The following IQCM variants were observed in gnomAD, a reference collection of about 807,000 sequenced individuals.
IQCM encodes IQ motif containing M, also known as IQ domain-containing protein M.
A neutral mutation model predicts 57.6 loss-of-function variants in IQCM; 45 were observed. That is an observed-to-expected ratio of 0.78 (90% CI 0.62 to 1.00). The LOEUF (loss-of-function observed/expected upper bound fraction) is 1.00. Among genes scored for constraint, IQCM ranks in the 50% least tolerant of loss-of-function variants. The probability of loss-of-function intolerance (pLI) is 0.00; values close to 1 mark genes in which losing one functional copy is unlikely to be tolerated. For missense variants in IQCM, 468 were observed against 511.6 expected, an observed-to-expected ratio of 0.91 and a Z score of 0.82; for synonymous variants, 148 against 158.9, an observed-to-expected ratio of 0.93 and a Z score of 0.51.
chr4:149,696,144 A>T (rs1482524387), intron 5 of IQCM, among the ~76,000 whole-genome samples: 1 of 151,884 alleles, frequency 6.6e-6, no homozygotes, highest in Non-Finnish European at 1.5e-5. Flanking sequence ...TCGTCGCTAC[A>T]CTCCCAATCT....
At position 149,812,040 on chromosome 4, in the gene IQCM, C is replaced by T. The variant is rs149943756; in HGVS notation, c.-49+3271G>A. 1.7e-3 allele frequency among the ~76,000 whole-genome samples: 264 copies of T among 152,274 alleles called. 1 individual carries two copies. Among genetic ancestry groups the T allele is most frequent in the African/African-American group, 5.9e-3 (246 of 41,570 alleles). ...GGTGGCCACATACTCAGCCTCCATT[C>T]CTAACTAGGAGAATAAAGCATTGAC... is the stretch of plus-strand genomic sequence containing the variant. On this transcript the variant is annotated intron_variant, in intron 2 of 13. Transcript: ENST00000636793.
intron 9 of IQCM, among the ~76,000 whole-genome samples, chr4:149,581,267 A>ATATATATATACATACATATATACACATG (rs1561017380): frequency 3.3e-5 from 5 of 151,100 alleles, no homozygotes; most frequent in South Asian, 2.1e-4. Context: ...CAATTCATAT[A>ATATATATATACATACATATATACACATG]TATATATATA....
chr4:149,739,842 C>A (rs1465639791), intron 3 of IQCM, among the ~76,000 whole-genome samples: 1 of 151,922 alleles, frequency 6.6e-6, no homozygotes, highest in Non-Finnish European at 1.5e-5. Context: ...TAAAAAAAAA[C>A]CTCATTTTTC....
chr4:149,456,222 G>A (rs562475270), intron 12 of IQCM, among the ~76,000 whole-genome samples: 1 of 152,150 alleles, frequency 6.6e-6, no homozygotes, highest in East Asian at 1.9e-4. Context: ...TGATTTCATG[G>A]TAATAAACTT....
intron 12 of IQCM, among the ~76,000 whole-genome samples, chr4:149,535,240 TTAA>T (rs1230463932): frequency 1.3e-5 from 2 of 152,056 alleles, no homozygotes; most frequent in Non-Finnish European, 2.9e-5. Context: ...AAAAATATCC[TTAA>T]TACTATGTTT....
chr4:149,720,204 ATT>A (rs888172098), intron 5 of IQCM, among the ~76,000 whole-genome samples: 20 of 152,092 alleles, frequency 1.3e-4, no homozygotes, highest in Non-Finnish European at 2.2e-4. Flanking sequence ...CTATTCTAAG[ATT>A]TTTTTTATTC....
chr4:149,358,758 C>A (rs1217164994), intron 13 of IQCM, among the ~76,000 whole-genome samples: 2 of 129,772 alleles, frequency 1.5e-5, no homozygotes, highest in Admixed American at 1.5e-4. Flanking sequence ...AAATGCCAAG[C>A]CAGTTTTTTT....
rs1553975354 is a variant in IQCM at position 149,481,696 on chromosome 4, G to GTTTTGTTTTGTTTTTTTGTT, written c.1229-48140_1229-48139insAACAAAAAAACAAAACAAAA. On this transcript the variant is annotated intron_variant, in intron 12 of 13. Transcript: ENST00000636793. ...GAAGTCATGTAATGTGATTCTTCCA[G>GTTTTGTTTTGTTTTTTTGTT]TTTTGTTTTTTTTTTTTTTTTTTTT... 3.3e-4 allele frequency among the ~76,000 whole-genome samples: 11 copies of GTTTTGTTTTGTTTTTTTGTT among 33,610 alleles called. No individual in the cohort carries two copies. The East Asian group carries it at 3.6e-3, about 11-fold the overall frequency. 22.0% of individuals were successfully genotyped at this position (33,610 alleles called of 152,430 possible). A position where few individuals can be genotyped will look rare whatever the true frequency, so the allele number is the denominator to read the frequency against.
intron 13 of IQCM, among the ~76,000 whole-genome samples, chr4:149,374,920 C>A (rs1185377179): frequency 6.6e-6 from 1 of 151,788 alleles, no homozygotes; most frequent in South Asian, 2.1e-4. Context: ...CGTATAAAAA[C>A]TAGAGGACAA....
intron 9 of IQCM, among the ~76,000 whole-genome samples, chr4:149,586,298 G>A (rs189107677): frequency 6.6e-6 from 1 of 151,674 alleles, no homozygotes; most frequent in East Asian, 2.0e-4. Flanking sequence ...GTAGACACAG[G>A]TCATTCAGAT....
chr4:149,494,542 A>G (rs1742450225), intron 12 of IQCM, among the ~76,000 whole-genome samples: 1 of 152,158 alleles, frequency 6.6e-6, no homozygotes, highest in South Asian at 2.1e-4. Flanking sequence ...CAAGAACTCA[A>G]GGCACTTGGG....
In IQCM at chr4:149,587,850, T is replaced by G. The variant is rs1752779990; in HGVS notation, c.749+80A>C. 3 of 584,286 alleles carry G rather than the reference T, an allele frequency of 5.1e-6. No individual in the cohort carries two copies. In the African/African-American group the frequency reaches 5.8e-5, roughly 11 times the overall value. 36.2% of individuals were successfully genotyped at this position (584,286 alleles called of 1,614,324 possible). ...ACAACCTATACTTCCTTAAACCTAG[T>G]TATTAAAGTCAGCAATTACATTGAT... On this transcript the variant is annotated intron_variant, in intron 9 of 13. Coordinates refer to ENST00000636793, the MANE Select transcript of IQCM (RefSeq NM_001363507.2).
chr4:149,500,036 C>A (rs773628825), intron 12 of IQCM, among the ~76,000 whole-genome samples: 2 of 152,194 alleles, frequency 1.3e-5, no homozygotes, highest in Non-Finnish European at 2.9e-5. Context: ...AGCAGACCTT[C>A]CAGCTGTCTC....
At position 149,679,225 on chromosome 4, in the gene IQCM, T is replaced by C. The variant is rs185133724; in HGVS notation, c.565+2893A>G. Among the ~76,000 whole-genome samples, 555 of 151,750 alleles carry C rather than the reference T, an allele frequency of 3.7e-3. 2 individuals carry two copies. Among genetic ancestry groups the C allele is most frequent in the African/African-American group, 0.012 (516 of 41,502 alleles). On this transcript the variant is annotated intron_variant, in intron 7 of 13. Coordinates refer to ENST00000636793, the MANE Select transcript of IQCM (RefSeq NM_001363507.2). ...TAAAAAAGAATGAAATCCTGTCATT[T>C]GTGACAACATGGAGGGAACTAGAGG...
At chr4:149,790,081 T>G (rs771603161) in intron 2 of IQCM, 110 of 634,544 alleles carry the variant, frequency 1.7e-4, no homozygotes, top group Admixed American at 6.0e-4. Context: ...GAACTTCATC[T>G]GCAGCATCCT....
intron 5 of IQCM, among the ~76,000 whole-genome samples, chr4:149,718,877 C>A (rs1441235549): frequency 6.6e-6 from 1 of 152,184 alleles, no homozygotes; most frequent in Admixed American, 6.5e-5. Context: ...CCTAGATAAT[C>A]CAAGATAGTC....
chr4:149,671,764 C>T (rs1294554995), intron 7 of IQCM, among the ~76,000 whole-genome samples: 1 of 152,124 alleles, frequency 6.6e-6, no homozygotes, highest in Non-Finnish European at 1.5e-5. Context: ...GCAGGTTGTT[C>T]AGTTTCCATG....
chr4:149,813,740 T>G (rs532107621), intron 2 of IQCM, among the ~76,000 whole-genome samples: 1 of 152,214 alleles, frequency 6.6e-6, no homozygotes, highest in Non-Finnish European at 1.5e-5. Context: ...AACTGATTCA[T>G]CTCCAGATAA....
intron 5 of IQCM, among the ~76,000 whole-genome samples, chr4:149,691,567 A>G (rs537885871): frequency 3.3e-5 from 5 of 152,320 alleles, no homozygotes; most frequent in African/African-American, 1.2e-4. Flanking sequence ...GTGAAATTTT[A>G]CAGCAATGGT....
Sources: allele counts gnomAD v4.1 joint callset (sites outside exome capture counted in the v4.1 genomes callset), GRCh38; gene constraint gnomAD v4.1.1; transcripts MANE v1.5; gene names NCBI Gene and HGNC (gene_info 2026-07-23, HGNC 2026-07-21).